BBS9: variants seen among roughly 807,000 people sequenced by gnomAD.
BBS9 encodes the protein Bardet-Biedl syndrome 9, also known as protein PTHB1.
A neutral mutation model predicts 117.7 loss-of-function variants in BBS9; 89 were observed. The observed-to-expected ratio is 0.76, with a 90% confidence interval of 0.64 to 0.90. The LOEUF is 0.90. Ranked by LOEUF, BBS9 falls within the 40% of genes least tolerant of loss-of-function variation. BBS9 has a pLI of 0.00. For missense variants in BBS9, 982 were observed against 1,042.2 expected (o/e 0.94, Z 0.80); for synonymous variants, 379 against 370.9 (o/e 1.02, Z -0.25).
intron 4 of BBS9, among the ~76,000 whole-genome samples, chr7:33,170,588 G>C (rs1474108678): frequency 1.3e-5 from 2 of 151,192 alleles, no homozygotes; most frequent in Non-Finnish European, 2.9e-5. Context: ...GCATAGTGTT[G>C]GAAGTTCTGG....
chr7:33,429,245 C>T (rs1834078218), intron 19 of BBS9, among the ~76,000 whole-genome samples: 1 of 151,024 alleles, frequency 6.6e-6, no homozygotes, highest in African/African-American at 2.4e-5. Context: ...TTTGTGTTGC[C>T]ACTCTCTCCC....
chr7:33,372,676 A>G (rs1454632022), intron 17 of BBS9, among the ~76,000 whole-genome samples: 1 of 152,110 alleles, frequency 6.6e-6, no homozygotes, highest in Non-Finnish European at 1.5e-5. Context: ...ATAGATTGAA[A>G]TTTGAAAGTA....
chr7:33,140,041 T>C (rs1042963437), intron 1 of BBS9, among the ~76,000 whole-genome samples: 21 of 152,284 alleles, frequency 1.4e-4, no homozygotes, highest in African/African-American at 4.8e-4. Flanking sequence ...TTTCTTTTTT[T>C]TGGAGATGGA....
At chr7:33,465,029 A>G (rs1019146567) in intron 19 of BBS9, among the ~76,000 whole-genome samples, 3 of 151,758 alleles carry the variant, frequency 2.0e-5, no homozygotes, top group Admixed American at 6.6e-5. Context: ...CCCAGGTGCT[A>G]CTGATGGTAC....
intron 21 of BBS9, among the ~76,000 whole-genome samples, chr7:33,572,748 A>G (rs1049328397): frequency 5.3e-5 from 8 of 152,018 alleles, no homozygotes; most frequent in Non-Finnish European, 1.0e-4. Context: ...CCTTCTTTGG[A>G]GAAATGTCTG....
chr7:33,327,177 A>AT (rs1187136273), intron 9 of BBS9, among the ~76,000 whole-genome samples: 2 of 152,130 alleles, frequency 1.3e-5, no homozygotes, highest in Non-Finnish European at 2.9e-5. Flanking sequence ...GGACAATTTC[A>AT]TTTTTTATTC....
chr7:33,414,182 G>A (rs1460768429), intron 19 of BBS9, among the ~76,000 whole-genome samples: 1 of 152,138 alleles, frequency 6.6e-6, no homozygotes, highest in Admixed American at 6.5e-5. Flanking sequence ...TCAGTTAGTA[G>A]TAATTTCCCT....
chr7:33,364,492 C>T (rs562951302), intron 16 of BBS9, among the ~76,000 whole-genome samples: 2 of 151,746 alleles, frequency 1.3e-5, no homozygotes, highest in Non-Finnish European at 2.9e-5. Flanking sequence ...AATCTTGCAG[C>T]CTTTCTTCTT....
At chr7:33,448,716 T>A (rs1042433478) in intron 19 of BBS9, among the ~76,000 whole-genome samples, 1 of 152,254 alleles carries the variant, frequency 6.6e-6, no homozygotes, top group Non-Finnish European at 1.5e-5. Context: ...GACAGTTTAT[T>A]CATAAAGTAT....
chr7:33,188,441 C>T (rs550473492), intron 5 of BBS9, among the ~76,000 whole-genome samples: 59 of 152,214 alleles, frequency 3.9e-4, no homozygotes, highest in African/African-American at 1.3e-3. Context: ...CAGTAAGGGA[C>T]AATTATTTTC....
rs111659756 is a variant in BBS9, at chr7:33,482,089, A to AT, written c.2116-23364dup. On this transcript the variant is annotated intron_variant, in intron 19 of 22. Coordinates refer to ENST00000242067, the MANE Select transcript of BBS9 (RefSeq NM_198428.3). ...AATCAGAGGGTGGTACTAAAGTGTGATTTTTTTTTTCTACCACAGAACTCA... is the reference window on the plus strand; with the variant it reads ...AATCAGAGGGTGGTACTAAAGTGTGATTTTTTTTTTTCTACCACAGAACTCA... 1.7e-3 allele frequency among the ~76,000 whole-genome samples: 260 copies of AT among 150,618 alleles called. 1 individual carries two copies. The highest frequency in any genetic ancestry group is 5.6e-3 in the African/African-American group (230 of 41,120).
At chr7:33,379,700 T>G (rs1038235818) in intron 17 of BBS9, among the ~76,000 whole-genome samples, 1 of 152,092 alleles carries the variant, frequency 6.6e-6, no homozygotes, top group Non-Finnish European at 1.5e-5. Context: ...ATTTATGATA[T>G]CTCTGCCCTT....
chr7:33,244,732 G>T (rs1429515353), intron 5 of BBS9, among the ~76,000 whole-genome samples: 1 of 152,100 alleles, frequency 6.6e-6, no homozygotes, highest in African/African-American at 2.4e-5. Flanking sequence ...GATACCAACT[G>T]GATGAAATTA....
chr7:33,406,092 G>A (rs1347222576), intron 19 of BBS9, among the ~76,000 whole-genome samples: 9 of 152,008 alleles, frequency 5.9e-5, no homozygotes, highest in African/African-American at 1.9e-4. Context: ...CCTTCATTTC[G>A]TTATGTACCC....
chr7:33,229,206 A>G (rs375897952), intron 5 of BBS9, among the ~76,000 whole-genome samples: 7 of 152,266 alleles, frequency 4.6e-5, no homozygotes, highest in African/African-American at 4.8e-5. Context: ...AAGAGCAGCT[A>G]AAATCTACTC....
At chr7:33,186,598 A>G (rs1783177112) in intron 5 of BBS9, among the ~76,000 whole-genome samples, 1 of 152,004 alleles carries the variant, frequency 6.6e-6, no homozygotes, top group South Asian at 2.1e-4. Context: ...TTTCAGTTTT[A>G]TTTTTCTGGT....
intron 5 of BBS9, among the ~76,000 whole-genome samples, chr7:33,223,323 ACT>A (rs922094695): frequency 2.0e-4 from 23 of 112,466 alleles, no homozygotes; most frequent in African/African-American, 5.5e-4. Context: ...TTTAAAATAG[ACT>A]CTGTTTGCAA....
At chr7:33,524,811 T>C (rs1183307584) in intron 20 of BBS9, among the ~76,000 whole-genome samples, 1 of 152,172 alleles carries the variant, frequency 6.6e-6, no homozygotes, top group Non-Finnish European at 1.5e-5. Context: ...TGTTTGCTCT[T>C]GCTTTTCTAG....
intron 5 of BBS9, among the ~76,000 whole-genome samples, chr7:33,201,429 G>A (rs975128302): frequency 1.1e-4 from 17 of 151,654 alleles, no homozygotes; most frequent in Middle Eastern, 3.4e-3. Context: ...CTGCCAAAGC[G>A]AGCACAAATT....
Sources: gnomAD v4.1 joint callset for allele counts (sites outside exome capture counted in the v4.1 genomes callset) on GRCh38, gnomAD v4.1.1 for gene constraint, MANE v1.5 for transcripts, NCBI Gene and HGNC (gene_info 2026-07-23, HGNC 2026-07-21) for gene names.